The following AGAP1 variants were observed in gnomAD, a reference collection of about 807,000 sequenced individuals.
AGAP1 encodes arf-GAP with GTPase, ANK repeat and PH domain-containing protein 1.
AGAP1 carries 29 observed loss-of-function variants against 105.3 expected under a neutral mutation model. That is an observed-to-expected ratio of 0.28 (90% CI 0.21 to 0.38). The LOEUF is 0.38. Among genes scored for constraint, AGAP1 ranks in the 10% least tolerant of loss-of-function variants. The pLI is 1.00. For missense variants in AGAP1, 998 were observed against 1,165.1 expected (o/e 0.86, Z 2.09); for synonymous variants, 509 against 485.9 (o/e 1.05, Z -0.63).
intron 12 of AGAP1, among the ~76,000 whole-genome samples, chr2:235,966,899 A>G (rs2054426121): frequency 6.6e-6 from 1 of 152,196 alleles, no homozygotes; most frequent in Non-Finnish European, 1.5e-5. Flanking sequence ...TATTTCTCAG[A>G]TACCTTAAAT....
chr2:235,504,863 AC>A (rs1205302236), intron 1 of AGAP1, among the ~76,000 whole-genome samples: 1 of 152,134 alleles, frequency 6.6e-6, no homozygotes, highest in Admixed American at 6.5e-5. Context: ...AGGTTTTTAA[AC>A]TTTTGGATTG....
chr2:235,622,973 CAA>C lies in AGAP1; in HGVS notation c.164-86204_164-86203del, dbSNP rs906762126. The stretch of plus-strand genomic sequence containing the variant: ...ACACTGGAGGGAAGCAGGAGGGGAA[CAA>C]AGTCAACAGCAATGACTGTCGCTGA... On this transcript the variant is annotated intron_variant, in intron 1 of 17. Transcript: ENST00000304032. This position sits in a 1 kb window ranked among gnomAD's most constrained non-coding sequence, Gnocchi z 5.0. Among the ~76,000 whole-genome samples the C allele has an allele frequency of 6.6e-6, 1 of 152,036 alleles. No homozygotes were observed. Among genetic ancestry groups the C allele is most frequent in the Non-Finnish European group, 1.5e-5 (1 of 68,034 alleles).
chr2:235,998,612 T>C (rs2055916601), intron 13 of AGAP1, among the ~76,000 whole-genome samples: 1 of 146,804 alleles, frequency 6.8e-6, no homozygotes, highest in Non-Finnish European at 1.6e-5. Context: ...GCATGGTACC[T>C]GGCTCAGCAA....
intron 1 of AGAP1, among the ~76,000 whole-genome samples, chr2:235,646,700 A>G (rs1368642563): frequency 2.0e-5 from 3 of 152,214 alleles, no homozygotes; most frequent in Non-Finnish European, 4.4e-5. Flanking sequence ...ACTAGAGATA[A>G]GTTCAAGGTC....
rs1166217827 is a variant in AGAP1, at chr2:235,936,672, G to A, written c.1483+5749G>A. 1.3e-5 allele frequency among the ~76,000 whole-genome samples: 2 copies of A among 152,072 alleles called. No individual in the cohort carries two copies. Among genetic ancestry groups the A allele is most frequent in the Admixed American group, 6.5e-5 (1 of 15,278 alleles). On this transcript the variant is annotated intron_variant, in intron 12 of 17. Transcript: ENST00000304032. This position sits in a 1 kb window ranked among gnomAD's most constrained non-coding sequence, Gnocchi z 4.7. ...CAATTTTAGTGTATGACCAGCAGGCGGCGGTAATGTGATACTGCCGGTCTC... is the reference window on the plus strand; with the variant it reads ...CAATTTTAGTGTATGACCAGCAGGCAGCGGTAATGTGATACTGCCGGTCTC...
At chr2:235,696,354 A>G (rs1418890683) in intron 1 of AGAP1, among the ~76,000 whole-genome samples, 4 of 152,178 alleles carry the variant, frequency 2.6e-5, no homozygotes, top group Non-Finnish European at 4.4e-5. Flanking sequence ...CCTGTTTACC[A>G]ATTTTTAAAC....
intron 8 of AGAP1, among the ~76,000 whole-genome samples, chr2:235,806,702 C>T (rs751740157): frequency 2.0e-5 from 3 of 152,108 alleles, no homozygotes; most frequent in Non-Finnish European, 4.4e-5. Context: ...AGCTTAACTT[C>T]GAATTTGCCA....
In AGAP1 at chr2:235,555,094, GC is replaced by G. The variant is rs1227495677; in HGVS notation, c.163+60246del. Among the ~76,000 whole-genome samples the G allele has an allele frequency of 2.6e-5, 4 of 152,202 alleles. No individual in the cohort carries two copies. The highest frequency in any genetic ancestry group is 5.9e-5 in the Non-Finnish European group (4 of 68,036). ...GTGGGGTGGGGCTGGGATGAGGAGA[GC>G]GCGGCCGCCAGGGTCAGCCTGGATG... On this transcript the variant is annotated intron_variant, in intron 1 of 17. Transcript: ENST00000304032. The surrounding 1 kb of genome is among the most constrained non-coding windows in gnomAD (Gnocchi z 5.1).
chr2:235,524,510 A>T (rs1208882414), intron 1 of AGAP1: 1 of 348,302 alleles, frequency 2.9e-6, no homozygotes, highest in Admixed American at 3.6e-5. Flanking sequence ...GTGAGAAGAC[A>T]GGCCACGGGG....
Position 235,864,369 on chromosome 2 carries a change from A to C in AGAP1, c.1051-18976A>C, listed in dbSNP as rs150734368. Among the ~76,000 whole-genome samples the C allele has an allele frequency of 4.4e-3, 674 of 152,296 alleles. 12 individuals carry two copies. Among genetic ancestry groups the C allele is most frequent in the African/African-American group, 0.015 (641 of 41,562 alleles). Reference sequence around the variant, plus strand: ...CTAGGCAGGCAGTTGGATTCTGTTTAATTTTCTTTAGCTATGGGAGAAATG... The same window carrying C: ...CTAGGCAGGCAGTTGGATTCTGTTTCATTTTCTTTAGCTATGGGAGAAATG... On this transcript the variant is annotated intron_variant, in intron 9 of 17. Transcript: ENST00000304032. The surrounding 1 kb of genome is among the most constrained non-coding windows in gnomAD (Gnocchi z 5.0).
At chr2:236,118,374 T>G (rs1304402744) in intron 16 of AGAP1, among the ~76,000 whole-genome samples, 1 of 151,628 alleles carries the variant, frequency 6.6e-6, no homozygotes, top group East Asian at 1.9e-4. Context: ...GGGCTTTTCT[T>G]TCTTTTCTTT....
chr2:235,544,717 G>A (rs1259263351), intron 1 of AGAP1, among the ~76,000 whole-genome samples: 1 of 152,192 alleles, frequency 6.6e-6, no homozygotes, highest in East Asian at 1.9e-4. Context: ...GCCTCTCACA[G>A]GAAGCCCTTC....
intron 11 of AGAP1, among the ~76,000 whole-genome samples, chr2:235,916,952 G>A (rs1353645821): frequency 6.6e-6 from 1 of 152,166 alleles, no homozygotes; most frequent in East Asian, 1.9e-4. Context: ...GACTTTCATG[G>A]ATGTCCATGG....
In AGAP1 at chr2:235,797,647, T is replaced by C. The variant is rs1418121244; in HGVS notation, c.674-112T>C. On this transcript the variant is annotated intron_variant, in intron 6 of 17. Transcript: ENST00000304032. ...CCCACCTAAGAACCAGGAATGCTAT[T>C]ACTGCGAAAGAAGGAAATAACAGAT... 21 of 1,377,824 alleles carry C rather than the reference T, an allele frequency of 1.5e-5. 1 individual carries two copies. The Middle Eastern group carries it at 6.2e-4, about 41-fold the overall frequency. 85.3% of individuals were successfully genotyped at this position (1,377,824 alleles called of 1,614,324 possible). A position where few individuals can be genotyped will look rare whatever the true frequency, so the allele number is the denominator to read the frequency against.
At chr2:235,966,828 C>T (rs1003290749) in intron 12 of AGAP1, among the ~76,000 whole-genome samples, 5 of 152,066 alleles carry the variant, frequency 3.3e-5, no homozygotes, top group African/African-American at 4.8e-5. Context: ...CAGAGAGGGG[C>T]GAGGGGTCTC....
chr2:236,032,692 A>T (rs2057261613), intron 13 of AGAP1, among the ~76,000 whole-genome samples: 1 of 152,170 alleles, frequency 6.6e-6, no homozygotes, highest in African/African-American at 2.4e-5. Flanking sequence ...ATCTCTCTCA[A>T]GGATGGAGTG....
At position 235,740,427 on chromosome 2, in the gene AGAP1, T is replaced by C. The variant is rs747186304; in HGVS notation, c.311-536T>C. On this transcript the variant is annotated intron_variant, in intron 3 of 17. Coordinates refer to ENST00000304032, the MANE Select transcript of AGAP1 (RefSeq NM_001037131.3). This position sits in a 1 kb window ranked among gnomAD's most constrained non-coding sequence, Gnocchi z 5.7. ...TAGTTTCTGTCTAACCCATGTGTAG[T>C]AGTGAAGCGTCCCTCCCTAATTGTG... 6.6e-6 allele frequency among the ~76,000 whole-genome samples: 1 copy of C among 152,108 alleles called. No individual in the cohort carries two copies. Among genetic ancestry groups the C allele is most frequent in the Non-Finnish European group, 1.5e-5 (1 of 68,036 alleles).
At chr2:235,826,416 C>T (rs1410220388) in intron 9 of AGAP1, among the ~76,000 whole-genome samples, 8 of 152,056 alleles carry the variant, frequency 5.3e-5, no homozygotes, top group African/African-American at 9.7e-5. Flanking sequence ...TCCGTTGCTC[C>T]GTTTCACATA....
chr2:235,988,712 C>T lies in AGAP1; in HGVS notation c.1645+20089C>T, dbSNP rs1028194273. Among the ~76,000 whole-genome samples, 1 of 152,010 alleles carries T rather than the reference C, an allele frequency of 6.6e-6. No individual in the cohort carries two copies. Among genetic ancestry groups the T allele is most frequent in the African/African-American group, 2.4e-5 (1 of 41,384 alleles). On this transcript the variant is annotated intron_variant, in intron 13 of 17. Coordinates refer to ENST00000304032, the MANE Select transcript of AGAP1 (RefSeq NM_001037131.3). The surrounding 1 kb of genome is among the most constrained non-coding windows in gnomAD (Gnocchi z 4.7). ...AGACGAGAAATGATTATTTTTTTCC[C>T]GCCGACTCCACTCTGGCCAAGACGA...
Sources: allele counts gnomAD v4.1 joint callset (sites outside exome capture counted in the v4.1 genomes callset), GRCh38; gene constraint gnomAD v4.1.1; non-coding constraint Gnocchi (gnomAD v3.1); transcripts MANE v1.5; gene names NCBI Gene and HGNC (gene_info 2026-07-23, HGNC 2026-07-21).